The following PKP4 variants were observed in gnomAD, a reference collection of about 807,000 sequenced individuals.
PKP4 encodes the protein plakophilin 4.
In PKP4, 90 loss-of-function variants were observed where a neutral mutation model predicts 145.1. The ratio of observed to expected loss-of-function variants is 0.62; its 90% CI spans 0.52 to 0.74. PKP4 has a LOEUF of 0.74. PKP4 is among the 30% of genes least tolerant of loss of function. The pLI, the probability that PKP4 is intolerant of heterozygous loss-of-function variation, is 0.00. For missense variants in PKP4, 1,340 were observed against 1,482.7 expected (o/e 0.90, Z 1.58); for synonymous variants, 563 against 577.2 (o/e 0.98, Z 0.35).
chr2:158,623,279 T>C (rs939921623), intron 6 of PKP4, among the ~76,000 whole-genome samples: 2 of 152,124 alleles, frequency 1.3e-5, no homozygotes, highest in Non-Finnish European at 2.9e-5. Flanking sequence ...GCTCAAGCGA[T>C]TTTCCTGACT....
intron 1 of PKP4, among the ~76,000 whole-genome samples, chr2:158,512,130 G>T (rs571125093): frequency 4.6e-5 from 7 of 152,268 alleles, no homozygotes; most frequent in African/African-American, 9.6e-5. Context: ...TTTTAATGAG[G>T]CAGGCTTTAT....
intron 7 of PKP4, among the ~76,000 whole-genome samples, chr2:158,630,115 T>C (rs972021771): frequency 1.3e-5 from 2 of 152,248 alleles, no homozygotes; most frequent in African/African-American, 4.8e-5. Flanking sequence ...GCTTCAGATA[T>C]GTTTGTCCTT....
chr2:158,470,241 C>A (rs1691337717), intron 1 of PKP4, among the ~76,000 whole-genome samples: 1 of 152,114 alleles, frequency 6.6e-6, no homozygotes, highest in Non-Finnish European at 1.5e-5. Flanking sequence ...TAGTTATCCC[C>A]TTCTCTTCTA....
intron 3 of PKP4, among the ~76,000 whole-genome samples, chr2:158,584,076 C>G (rs1475171049): frequency 6.6e-6 from 1 of 152,188 alleles, no homozygotes; most frequent in Non-Finnish European, 1.5e-5. Flanking sequence ...GCTCTCTGCA[C>G]TGGGGTCCCA....
At chr2:158,626,819 G>A (rs1026050883) in intron 7 of PKP4, among the ~76,000 whole-genome samples, 6 of 152,218 alleles carry the variant, frequency 3.9e-5, no homozygotes, top group Non-Finnish European at 2.9e-5. Flanking sequence ...GAAACTACAA[G>A]TTCTTTTGTC....
intron 1 of PKP4, among the ~76,000 whole-genome samples, chr2:158,471,686 ATCTTATTCAT>A (rs1691594118): frequency 6.6e-6 from 1 of 152,214 alleles, no homozygotes; most frequent in Non-Finnish European, 1.5e-5. Flanking sequence ...TATTTCTCCA[ATCTTATTCAT>A]AGTTACAAAA....
At chr2:158,532,239 T>G (rs2043623668) in intron 1 of PKP4, among the ~76,000 whole-genome samples, 1 of 152,226 alleles carries the variant, frequency 6.6e-6, no homozygotes, top group Non-Finnish European at 1.5e-5. Context: ...TAGTCTCAGA[T>G]GTCCCTATTT....
intron 2 of PKP4, among the ~76,000 whole-genome samples, chr2:158,539,721 A>T (rs554734926): frequency 6.6e-6 from 1 of 152,288 alleles, no homozygotes; most frequent in South Asian, 2.1e-4. Context: ...TTTTTGAGGG[A>T]TCATCAAATT....
chr2:158,469,405 T>G (rs1691202462), intron 1 of PKP4, among the ~76,000 whole-genome samples: 1 of 152,140 alleles, frequency 6.6e-6, no homozygotes, highest in Non-Finnish European at 1.5e-5. Context: ...AGACATTTTC[T>G]AAAGTGATTT....
intron 1 of PKP4, among the ~76,000 whole-genome samples, chr2:158,513,837 C>T (rs964242271): frequency 1.3e-5 from 2 of 152,102 alleles, no homozygotes; most frequent in African/African-American, 4.8e-5. Flanking sequence ...CTCTTTTTCT[C>T]CCCCACCCCG....
rs376203990 is a variant in PKP4 at position 158,642,487 on chromosome 2, T to C, written c.1697T>C (p.Val566Ala). The C allele has an allele frequency of 2.5e-6, 4 of 1,596,922 alleles. No individual in the cohort carries two copies. The highest frequency in any genetic ancestry group is 3.4e-6 in the Non-Finnish European group (4 of 1,168,270). Residue 566 changes from valine to alanine, a missense_variant and splice_region_variant, in exon 11 of 22, where the codon GTG (valine) becomes GCG (alanine). By Grantham distance (64) the Val-to-Ala change is moderately conservative. Coordinates refer to ENST00000389759, the MANE Select transcript of PKP4 (RefSeq NM_003628.6). ...CFGDNKVKME[V>A]CRLGGIKHLV... ...GGTACCTAATATTTTTCATTCTAGG[T>C]GTGTAGGTTAGGGGGAATCAAGCAT...
chr2:158,583,651 AT>A (rs1234696696), intron 3 of PKP4, among the ~76,000 whole-genome samples: 1 of 152,042 alleles, frequency 6.6e-6, no homozygotes, highest in Non-Finnish European at 1.5e-5. Flanking sequence ...CATATAGAAC[AT>A]TTTCATGAAC....
chr2:158,665,603 GA>G (rs1028970569), intron 15 of PKP4, among the ~76,000 whole-genome samples: 2 of 152,150 alleles, frequency 1.3e-5, no homozygotes, highest in African/African-American at 4.8e-5. Flanking sequence ...TGCATTGGTT[GA>G]AAAAGTCAAT....
chr2:158,549,630 T>A (rs904496389), intron 2 of PKP4, among the ~76,000 whole-genome samples: 4 of 152,040 alleles, frequency 2.6e-5, no homozygotes, highest in African/African-American at 9.7e-5. Context: ...TTTTTTCTTA[T>A]AATATTTTAA....
At chr2:158,568,399 G>A (rs1282864780) in intron 2 of PKP4, among the ~76,000 whole-genome samples, 1 of 152,168 alleles carries the variant, frequency 6.6e-6, no homozygotes, top group Admixed American at 6.5e-5. Flanking sequence ...AAGTTCCCAG[G>A]TGGTGCTGAT....
intron 7 of PKP4, 145 bp from the exon 8 acceptor site, chr2:158,631,608 C>A: frequency 1.4e-6 from 1 of 718,792 alleles, no homozygotes; most frequent in Non-Finnish European, 2.4e-6. Flanking sequence ...CCAGACTGGT[C>A]TCAAATTCCT....
intron 3 of PKP4, among the ~76,000 whole-genome samples, chr2:158,602,237 A>G (rs2050289645): frequency 6.6e-6 from 1 of 152,214 alleles, no homozygotes; most frequent in African/African-American, 2.4e-5. Context: ...GAATCTGACC[A>G]GGAGTCCTGG....
In PKP4 at chr2:158,676,873, A is replaced by G. The variant is rs370350505; in HGVS notation, c.3256+6A>G. The G allele has an allele frequency of 1.4e-5, 23 of 1,613,918 alleles. No homozygotes were observed. Among genetic ancestry groups the G allele is most frequent in the Non-Finnish European group, 1.9e-5 (22 of 1,179,996 alleles). Reference sequence around the variant, plus strand: ...ACATAAAGGCCTGTACCCTGGTAAGACGCCAGTTGGGTGTGTGATACAGTC... The same window carrying G: ...ACATAAAGGCCTGTACCCTGGTAAGGCGCCAGTTGGGTGTGTGATACAGTC... On this transcript the variant is annotated splice_donor_region_variant and intron_variant, in intron 20 of 21. Coordinates refer to ENST00000389759, the MANE Select transcript of PKP4 (RefSeq NM_003628.6).
At chr2:158,599,162 G>A (rs1003692661) in intron 3 of PKP4, among the ~76,000 whole-genome samples, 1 of 152,166 alleles carries the variant, frequency 6.6e-6, no homozygotes, top group African/African-American at 2.4e-5. Context: ...GAAAAAAATC[G>A]CAGTAGTAGC....
Sources: allele counts gnomAD v4.1 joint callset (sites outside exome capture counted in the v4.1 genomes callset), GRCh38; gene constraint gnomAD v4.1.1; transcripts MANE v1.5; gene names NCBI Gene and HGNC (gene_info 2026-07-23, HGNC 2026-07-21).